Variants in WIPF1 observed in about 807,000 individuals in gnomAD.
WIPF1 encodes the protein WAS/WASL interacting protein family member 1.
In WIPF1, 13 loss-of-function variants were observed where a neutral mutation model predicts 35.4. The observed-to-expected ratio is 0.37, with a 90% CI of 0.24 to 0.58. The LOEUF (loss-of-function observed/expected upper bound fraction) is 0.58. Ranked by LOEUF, WIPF1 falls within the 20% of genes least tolerant of loss-of-function variation. The probability of loss-of-function intolerance (pLI) is 0.74; values close to 1 mark genes in which losing one functional copy is unlikely to be tolerated. For missense variants in WIPF1, 591 were observed against 667.0 expected, an observed-to-expected ratio of 0.89 and a Z score of 1.25; for synonymous variants, 267 against 266.3, an observed-to-expected ratio of 1.00 and a Z score of -0.02.
intron 1 of WIPF1, among the ~76,000 whole-genome samples, chr2:174,613,645 C>T (rs1057068460): frequency 2.6e-5 from 4 of 152,162 alleles, no homozygotes; most frequent in Non-Finnish European, 5.9e-5. Context: ...GCTACTATTA[C>T]GATTATTAAG....
At chr2:174,562,900 A>G (rs912142531) in intron 7 of WIPF1, among the ~76,000 whole-genome samples, 1 of 152,202 alleles carries the variant, frequency 6.6e-6, no homozygotes, top group Non-Finnish European at 1.5e-5. Context: ...ATGGATGAGT[A>G]AAAACAAAGA....
At chr2:174,650,983 T>C (rs1222315961) in intron 1 of WIPF1, among the ~76,000 whole-genome samples, 4 of 152,252 alleles carry the variant, frequency 2.6e-5, no homozygotes, top group Non-Finnish European at 4.4e-5. Context: ...TCACAGGGAA[T>C]TGGCTTTCGC....
Position 174,571,566 on chromosome 2 carries a change from G to A in WIPF1, c.1129+110C>T, listed in dbSNP as rs1188407241. The A allele has an allele frequency of 6.8e-7, 1 of 1,478,334 alleles. No individual in the cohort carries two copies. The highest frequency in any genetic ancestry group is 1.7e-5 in the Admixed American group (1 of 59,858). The allele number at this position is 1,478,334 out of a possible 1,614,324, so 91.6% of individuals were successfully genotyped here. A position where few individuals can be genotyped will look rare whatever the true frequency, so the allele number is the denominator to read the frequency against. ...GTGTGCCACTTAAAAGCACAAAGCA[G>A]TCTGAGTTTACTTATGCCTGCTTTT... is the stretch of plus-strand genomic sequence containing the variant. On this transcript the variant is annotated intron_variant, in intron 5 of 7. Coordinates refer to ENST00000679041, the MANE Select transcript of WIPF1 (RefSeq NM_001375834.1). The surrounding 1 kb of genome is among the most constrained non-coding windows in gnomAD (Gnocchi z 4.6).
intron 1 of WIPF1, among the ~76,000 whole-genome samples, chr2:174,660,504 A>T (rs545907652): frequency 2.0e-5 from 3 of 152,160 alleles, no homozygotes; most frequent in Non-Finnish European, 1.5e-5. Flanking sequence ...AGGACAGGAC[A>T]GCTGGGTTCA....
intron 1 of WIPF1, among the ~76,000 whole-genome samples, chr2:174,675,844 G>A (rs1303102819): frequency 6.6e-6 from 1 of 151,396 alleles, no homozygotes; most frequent in Admixed American, 6.6e-5. Flanking sequence ...GGGGGTGTGA[G>A]GGGAGGAGTG....
chr2:174,627,548 C>CTT (rs1231251170), intron 1 of WIPF1, among the ~76,000 whole-genome samples: 4 of 122,938 alleles, frequency 3.3e-5, no homozygotes, highest in Non-Finnish European at 3.4e-5. Context: ...CTTTCTCTTT[C>CTT]TTTTTTTTTT....
chr2:174,563,473 TGG>T (rs1684549238), intron 7 of WIPF1, among the ~76,000 whole-genome samples: 1 of 151,910 alleles, frequency 6.6e-6, no homozygotes, highest in Non-Finnish European at 1.5e-5. Context: ...GAGGCTGTGG[TGG>T]GAGGATCACC....
intron 1 of WIPF1, among the ~76,000 whole-genome samples, chr2:174,657,213 A>T (rs1687658229): frequency 6.6e-6 from 1 of 152,268 alleles, no homozygotes; most frequent in Non-Finnish European, 1.5e-5. Flanking sequence ...GCCTAAGCGA[A>T]GTATCTGTCT....
intron 1 of WIPF1, among the ~76,000 whole-genome samples, chr2:174,644,746 A>C (rs1248043025): frequency 6.6e-6 from 1 of 152,202 alleles, no homozygotes; most frequent in Non-Finnish European, 1.5e-5. Context: ...AGAGTTGAGG[A>C]GCTCAATTGA....
chr2:174,664,423 CAG>C (rs1482945471), intron 1 of WIPF1, among the ~76,000 whole-genome samples: 1 of 152,218 alleles, frequency 6.6e-6, no homozygotes, highest in Non-Finnish European at 1.5e-5. Context: ...TAGGATCCAA[CAG>C]AGAGTGGTCT....
chr2:174,664,113 TCTCTGTCC>T (rs1409220392), intron 1 of WIPF1, among the ~76,000 whole-genome samples: 2 of 151,086 alleles, frequency 1.3e-5, no homozygotes, highest in African/African-American at 2.5e-5. Flanking sequence ...CCTTCTCTCC[TCTCTGTCC>T]CTCTGTCCCT....
intron 1 of WIPF1, among the ~76,000 whole-genome samples, chr2:174,636,786 G>A (rs1419635366): frequency 6.6e-6 from 1 of 152,186 alleles, no homozygotes; most frequent in Non-Finnish European, 1.5e-5. Context: ...TGGTAAGACT[G>A]GGGTTATGGG....
rs1329987592 is a variant in WIPF1 at position 174,635,535 on chromosome 2, T to G, written c.-39+47239A>C. Among the ~76,000 whole-genome samples the G allele has an allele frequency of 4.8e-5, 7 of 147,352 alleles. No homozygotes were observed. In the East Asian group the frequency reaches 8.0e-4, roughly 17 times the overall value. ...TCACTGGTGCCTTCTGTTTGTTTTT[T>G]TTTTTTTTTTTTTTTTTTTGTGATT... On this transcript the variant is annotated intron_variant, in intron 1 of 8. Transcript: ENST00000272746.
chr2:174,674,470 T>C (rs1363344710), intron 1 of WIPF1, among the ~76,000 whole-genome samples: 1 of 152,232 alleles, frequency 6.6e-6, no homozygotes, highest in African/African-American at 2.4e-5. Context: ...AAATTGGAAT[T>C]GAAAGGTCTA....
chr2:174,620,985 G>A (rs924573982), intron 1 of WIPF1, among the ~76,000 whole-genome samples: 4 of 152,192 alleles, frequency 2.6e-5, no homozygotes, highest in Admixed American at 6.5e-5. Flanking sequence ...CTGGAAAGGT[G>A]GTCTGGGATC....
chr2:174,674,713 A>G (rs1361495802), intron 1 of WIPF1, among the ~76,000 whole-genome samples: 3 of 152,220 alleles, frequency 2.0e-5, no homozygotes, highest in African/African-American at 7.2e-5. Flanking sequence ...AACTTGAAAC[A>G]AAACAGGAAA....
At chr2:174,591,387 T>C (rs761379034) in intron 1 of WIPF1, among the ~76,000 whole-genome samples, 13 of 152,232 alleles carry the variant, frequency 8.5e-5, no homozygotes, top group Non-Finnish European at 1.5e-4. Context: ...TTGAATAAAC[T>C]ATCCATCAAC....
intron 1 of WIPF1, among the ~76,000 whole-genome samples, chr2:174,645,519 GA>G (rs1687388395): frequency 6.6e-6 from 1 of 152,218 alleles, no homozygotes; most frequent in African/African-American, 2.4e-5. Flanking sequence ...AAATGACCCT[GA>G]GGGATTTTTG....
chr2:174,573,829 A>G (rs1684954126), intron 4 of WIPF1, among the ~76,000 whole-genome samples: 2 of 152,118 alleles, frequency 1.3e-5, no homozygotes, highest in Non-Finnish European at 2.9e-5. Context: ...AGGCACAGGA[A>G]GAAGCATTTG....
Sources: allele counts gnomAD v4.1 joint callset (sites outside exome capture counted in the v4.1 genomes callset), GRCh38; gene constraint gnomAD v4.1.1; non-coding constraint Gnocchi (gnomAD v3.1); transcripts MANE v1.5; gene names NCBI Gene and HGNC (gene_info 2026-07-23, HGNC 2026-07-21).